SLIT3: variants seen among roughly 807,000 people sequenced by gnomAD.
SLIT3 encodes slit homolog 3 protein.
A neutral mutation model predicts 184.0 loss-of-function variants in SLIT3; 68 were observed. The observed-to-expected ratio is 0.37, with a 90% confidence interval of 0.30 to 0.45. The LOEUF is 0.45. SLIT3 is among the 20% of genes least tolerant of loss of function. The probability of loss-of-function intolerance (pLI) is 1.00; values close to 1 mark genes in which losing one functional copy is unlikely to be tolerated. For synonymous variants in SLIT3, 831 were observed against 828.6 expected, an observed-to-expected ratio of 1.00 and a Z score of -0.05; for missense variants, 1,707 against 2,026.0, an observed-to-expected ratio of 0.84 and a Z score of 3.02.
intron 12 of SLIT3, among the ~76,000 whole-genome samples, chr5:168,777,722 G>A (rs768080068): frequency 3.9e-5 from 6 of 152,156 alleles, no homozygotes; most frequent in Admixed American, 2.6e-4. Context: ...TCCCTCAGGC[G>A]AGGTGTGTAG....
rs1376369587 is a variant in SLIT3 at position 168,751,052 on chromosome 5, G to T, written c.1974-1417C>A. Among the ~76,000 whole-genome samples, 8 of 151,980 alleles carry T rather than the reference G, an allele frequency of 5.3e-5. No individual in the cohort carries two copies. The East Asian group carries it at 1.6e-3, about 30-fold the overall frequency. ...AAGGTGGAAGGGAGAGAGGCTAGGGGGAGGGAGGCTGGGGGAGGGTGCTCC... is the reference window on the plus strand; with the variant it reads ...AAGGTGGAAGGGAGAGAGGCTAGGGTGAGGGAGGCTGGGGGAGGGTGCTCC... On this transcript the variant is annotated intron_variant, in intron 18 of 35. Coordinates refer to ENST00000519560, the MANE Select transcript of SLIT3 (RefSeq NM_003062.4).
At chr5:168,957,068 A>G (rs2113266595) in intron 4 of SLIT3, among the ~76,000 whole-genome samples, 1 of 151,872 alleles carries the variant, frequency 6.6e-6, no homozygotes, top group East Asian at 2.0e-4. Context: ...GTCTCTACTC[A>G]AAATACAAAA....
chr5:168,691,521 G>T (rs984321876), intron 29 of SLIT3, among the ~76,000 whole-genome samples: 1 of 152,252 alleles, frequency 6.6e-6, no homozygotes. Flanking sequence ...GGCCCCAGAG[G>T]CTGGAGATGC....
intron 4 of SLIT3, among the ~76,000 whole-genome samples, chr5:169,172,935 G>C (rs1408825437): frequency 6.6e-6 from 1 of 152,118 alleles, no homozygotes; most frequent in Non-Finnish European, 1.5e-5. Context: ...AATAAGACCA[G>C]CATAGTCAGG....
intron 1 of SLIT3, among the ~76,000 whole-genome samples, chr5:169,262,860 G>T (rs191147096): frequency 5.9e-5 from 9 of 152,180 alleles, no homozygotes; most frequent in African/African-American, 2.2e-4. Context: ...TCAAAGTCCT[G>T]CGTCCATTTA....
Position 168,692,520 on chromosome 5 carries a change from A to G in SLIT3, c.3176+87T>C, listed in dbSNP as rs537648596. ...CACATGAGAGAGAGAGAGAGCATGC[A>G]GAGAGACCAGAGACTGCCTAAAACC... On this transcript the variant is annotated intron_variant, in intron 29 of 35. Transcript: ENST00000519560. 2.4e-5 allele frequency: 19 copies of G among 796,982 alleles called. No homozygotes were observed. The African/African-American group carries it at 2.5e-4, about 11-fold the overall frequency. 49.4% of individuals were successfully genotyped at this position (796,982 alleles called of 1,614,324 possible).
chr5:169,142,543 A>T (rs1761782812), intron 4 of SLIT3, among the ~76,000 whole-genome samples: 1 of 152,176 alleles, frequency 6.6e-6, no homozygotes, highest in Admixed American at 6.5e-5. Context: ...GAGAGTATAA[A>T]CTGGGACTCC....
chr5:168,858,601 G>T (rs116313466), intron 5 of SLIT3, among the ~76,000 whole-genome samples: 1 of 152,226 alleles, frequency 6.6e-6, no homozygotes, highest in Non-Finnish European at 1.5e-5. Context: ...GGGCTTACGC[G>T]TTGGGCTCCC....
intron 4 of SLIT3, among the ~76,000 whole-genome samples, chr5:168,914,793 T>C (rs1035725686): frequency 6.6e-6 from 1 of 152,146 alleles, no homozygotes; most frequent in Non-Finnish European, 1.5e-5. Context: ...GCAGACAACC[T>C]AATCCTGTGT....
chr5:168,882,372 G>A (rs1759986382), intron 5 of SLIT3, among the ~76,000 whole-genome samples: 1 of 152,168 alleles, frequency 6.6e-6, no homozygotes, highest in South Asian at 2.1e-4. Flanking sequence ...CACGAATAAG[G>A]GGTCAGTAGG....
At chr5:169,275,472 C>T (rs1181648767) in intron 1 of SLIT3, among the ~76,000 whole-genome samples, 2 of 152,188 alleles carry the variant, frequency 1.3e-5, no homozygotes, top group Admixed American at 6.5e-5. Flanking sequence ...CGCTGTGTCA[C>T]ATACAGCATT....
intron 3 of SLIT3, among the ~76,000 whole-genome samples, chr5:169,227,803 A>T (rs923315581): frequency 2.0e-5 from 3 of 152,224 alleles, no homozygotes; most frequent in Admixed American, 6.5e-5. Flanking sequence ...CCTTTCGCAG[A>T]TGAGGAGATG....
intron 1 of SLIT3, among the ~76,000 whole-genome samples, chr5:169,282,595 C>G (rs1767028085): frequency 6.6e-6 from 1 of 152,164 alleles, no homozygotes; most frequent in African/African-American, 2.4e-5. Flanking sequence ...ATTCTGGCTA[C>G]ATTTATGATT....
chr5:168,792,716 G>C (rs1306101981), intron 10 of SLIT3, among the ~76,000 whole-genome samples: 1 of 152,182 alleles, frequency 6.6e-6, no homozygotes, highest in Admixed American at 6.5e-5. Flanking sequence ...AGGCCTACCA[G>C]TCAGTTAACC....
chr5:169,137,335 C>CACACAGAGAG (rs368371904), intron 4 of SLIT3, among the ~76,000 whole-genome samples: 15 of 138,662 alleles, frequency 1.1e-4, no homozygotes, highest in East Asian at 8.7e-4. Context: ...CACACACACA[C>CACACAGAGAG]AGAGAGAGAG....
chr5:168,692,777 G>A (rs1761947570), intron 28 of SLIT3, 77 bp from the exon 29 acceptor site: 2 of 1,016,276 alleles, frequency 2.0e-6, no homozygotes, highest in South Asian at 1.4e-5. Flanking sequence ...AGTACTAGGG[G>A]GGATATCCTG....
At chr5:169,156,146 T>C (rs1170736120) in intron 4 of SLIT3, among the ~76,000 whole-genome samples, 1 of 152,196 alleles carries the variant, frequency 6.6e-6, no homozygotes, top group African/African-American at 2.4e-5. Context: ...AATGTCAGGC[T>C]CACTACTATG....
At chr5:168,755,389 A>ATTTCTTTCTTTCTTTCTCTC (rs1754860916) in intron 16 of SLIT3, among the ~76,000 whole-genome samples, 1 of 133,640 alleles carries the variant, frequency 7.5e-6, no homozygotes, top group Admixed American at 7.9e-5. Flanking sequence ...CAGTGCCGCC[A>ATTTCTTTCTTTCTTTCTCTC]TTTCTTTCTT....
Position 168,713,712 on chromosome 5 carries a change from G to C in SLIT3, c.2484-1358C>G, listed in dbSNP as rs79273303. On this transcript the variant is annotated intron_variant, in intron 23 of 35. Transcript: ENST00000519560. The stretch of plus-strand genomic sequence containing the variant: ...TTGCCCTTGGTCTTCAGCTGACAGA[G>C]ACATGAGCCTAATTACTCTTGATAG... 4.0e-3 allele frequency among the ~76,000 whole-genome samples: 613 copies of C among 152,320 alleles called. 8 individuals are homozygous for C. The East Asian group carries it at 0.051, about 13-fold the overall frequency.
Sources: allele counts gnomAD v4.1 joint callset (sites outside exome capture counted in the v4.1 genomes callset), GRCh38; gene constraint gnomAD v4.1.1; transcripts MANE v1.5; gene names NCBI Gene and HGNC (gene_info 2026-07-23, HGNC 2026-07-21).